Variants in C16orf74 observed in about 807,000 individuals in gnomAD.
C16orf74 encodes the protein calcimembrin, also known as uncharacterized protein C16orf74.
A neutral mutation model predicts 6.5 loss-of-function variants in C16orf74; 10 were observed. That is an observed-to-expected ratio of 1.54 (90% CI 0.95 to 2.61). The LOEUF (loss-of-function observed/expected upper bound fraction) is 2.61. Ranked by LOEUF, C16orf74 falls within the 30% of genes most tolerant of loss-of-function variation. The pLI, the probability that C16orf74 is intolerant of heterozygous loss-of-function variation, is 0.00. For missense variants in C16orf74, 141 were observed against 105.9 expected (o/e 1.33, Z -1.45); for synonymous variants, 60 against 42.5 (o/e 1.41, Z -1.60).
chr16:85,719,027 G>A (rs144052596), intron 2 of C16orf74, among the ~76,000 whole-genome samples: 250 of 152,336 alleles, frequency 1.6e-3, no homozygotes, highest in Non-Finnish European at 2.8e-3. Context: ...CCAGGGGCTT[G>A]GGAAGGAGGA....
chr16:85,732,494 C>T (rs369408359), intron 2 of C16orf74, among the ~76,000 whole-genome samples: 11 of 151,592 alleles, frequency 7.3e-5, no homozygotes, highest in African/African-American at 1.9e-4. Context: ...GGTGAAACCC[C>T]GTCTCTACTA....
intron 1 of C16orf74, among the ~76,000 whole-genome samples, chr16:85,736,488 G>A (rs931768792): frequency 6.6e-6 from 1 of 152,150 alleles, no homozygotes; most frequent in African/African-American, 2.4e-5. Context: ...AGGGTTTGGA[G>A]GAGAAGGAGC....
intron 1 of C16orf74, among the ~76,000 whole-genome samples, chr16:85,735,743 A>G (rs1484305918): frequency 1.4e-5 from 1 of 73,928 alleles, no homozygotes; most frequent in Non-Finnish European, 2.8e-5. Flanking sequence ...GCTATAGAGG[A>G]CGTGTGGCCC....
Position 85,720,858 on chromosome 16 carries a change from C to T in C16orf74, c.29-10551G>A, listed in dbSNP as rs149310721. Among the ~76,000 whole-genome samples the T allele has an allele frequency of 6.0e-5, 9 of 150,924 alleles. 1 individual carries two copies. The highest frequency in any genetic ancestry group is 2.2e-4 in the African/African-American group (9 of 41,038). On this transcript the variant is annotated intron_variant, in intron 2 of 3. Coordinates refer to ENST00000284245, the MANE Select transcript of C16orf74 (RefSeq NM_206967.3). ...ATCCCAGCACTTTGGGAGGCCGAGG[C>T]GGGTGGATCACTTGAGGGCAGGAGT...
chr16:85,741,577 T>C (rs1321962241), intron 1 of C16orf74: 2 of 169,694 alleles, frequency 1.2e-5, no homozygotes, highest in Non-Finnish European at 1.5e-5. Flanking sequence ...ACGTGGAGAG[T>C]TTTCACACAG....
At chr16:85,728,929 T>G (rs1037600933) in intron 2 of C16orf74, among the ~76,000 whole-genome samples, 1 of 152,174 alleles carries the variant, frequency 6.6e-6, no homozygotes, top group East Asian at 1.9e-4. Flanking sequence ...GGAGGATGTG[T>G]TGAAAACCCT....
At chr16:85,720,583 G>A (rs1177583242) in intron 2 of C16orf74, among the ~76,000 whole-genome samples, 1 of 151,968 alleles carries the variant, frequency 6.6e-6, no homozygotes, top group Non-Finnish European at 1.5e-5. Context: ...GACAGGCCTG[G>A]ACAACATAGC....
intron 2 of C16orf74, among the ~76,000 whole-genome samples, chr16:85,732,292 G>C (rs1380231578): frequency 6.6e-6 from 1 of 152,144 alleles, no homozygotes; most frequent in Non-Finnish European, 1.5e-5. Context: ...ACCTAGTTTG[G>C]GGTCATCTCT....
chr16:85,715,132 G>A (rs1475491848), intron 2 of C16orf74, among the ~76,000 whole-genome samples: 9 of 149,124 alleles, frequency 6.0e-5, no homozygotes, highest in African/African-American at 1.5e-4. Context: ...ACTCCAGCCC[G>A]GGTGACAGAG....
intron 2 of C16orf74, among the ~76,000 whole-genome samples, chr16:85,714,458 C>T (rs563961499): frequency 7.9e-5 from 12 of 151,834 alleles, no homozygotes; most frequent in African/African-American, 1.2e-4. Context: ...CTTGCTCTGT[C>T]GCCCAGGCTG....
At chr16:85,712,887 A>G (rs1169890499) in intron 2 of C16orf74, among the ~76,000 whole-genome samples, 1 of 152,192 alleles carries the variant, frequency 6.6e-6, no homozygotes, top group African/African-American at 2.4e-5. Flanking sequence ...CTGGGTGTCC[A>G]AAGGCGTGAT....
At chr16:85,724,701 G>C (rs1489520191) in intron 2 of C16orf74, among the ~76,000 whole-genome samples, 2 of 152,186 alleles carry the variant, frequency 1.3e-5, no homozygotes, top group African/African-American at 2.4e-5. Flanking sequence ...TGACAGGGCA[G>C]CCACCCCGGC....
intron 2 of C16orf74, among the ~76,000 whole-genome samples, chr16:85,717,911 C>A (rs181650985): frequency 6.6e-6 from 1 of 152,136 alleles, no homozygotes; most frequent in African/African-American, 2.4e-5. Context: ...GTGCCCGAGA[C>A]GCTACATCCA....
chr16:85,716,700 G>C (rs993801858), intron 2 of C16orf74, among the ~76,000 whole-genome samples: 2 of 150,776 alleles, frequency 1.3e-5, no homozygotes, highest in African/African-American at 4.9e-5. Flanking sequence ...AGAGGGAGGA[G>C]GAAGGGAGGG....
At chr16:85,733,446 T>C (rs2054211923) in intron 2 of C16orf74, among the ~76,000 whole-genome samples, 1 of 152,170 alleles carries the variant, frequency 6.6e-6, no homozygotes, top group Non-Finnish European at 1.5e-5. Flanking sequence ...TTGGAGATGA[T>C]GAAACCTTCA....
At chr16:85,725,284 G>A (rs942188376) in intron 2 of C16orf74, among the ~76,000 whole-genome samples, 4 of 151,996 alleles carry the variant, frequency 2.6e-5, no homozygotes, top group Non-Finnish European at 5.9e-5. Flanking sequence ...TCCAGAAAGA[G>A]CCCTGGAATT....
At chr16:85,745,158 A>AAAAAAAAAAAAAAAAAAAAAAAAAAAAAC (rs2054359665) in intron 1 of C16orf74, among the ~76,000 whole-genome samples, 1 of 150,036 alleles carries the variant, frequency 6.7e-6, no homozygotes, top group African/African-American at 2.5e-5. Context: ...AAAAAAAAAA[A>AAAAAAAAAAAAAAAAAAAAAAAAAAAAAC]AAAAAAAAAA....
chr16:85,735,147 C>T lies in C16orf74; in HGVS notation c.28+43G>A, dbSNP rs369413339. On this transcript the variant is annotated intron_variant, in intron 2 of 3. Coordinates refer to ENST00000284245, the MANE Select transcript of C16orf74 (RefSeq NM_206967.3). ...TCTCCTGCCCCCCAACCCAGCACCCCCTCTGCCATGAGAGCTGGTGGGGGC... is the reference window on the plus strand; with the variant it reads ...TCTCCTGCCCCCCAACCCAGCACCCTCTCTGCCATGAGAGCTGGTGGGGGC... 8.2e-6 allele frequency: 13 copies of T among 1,579,100 alleles called. 1 individual carries two copies. The African/African-American group carries it at 1.8e-4, about 22-fold the overall frequency.
chr16:85,728,466 C>T (rs1457160259), intron 2 of C16orf74, among the ~76,000 whole-genome samples: 1 of 152,198 alleles, frequency 6.6e-6, no homozygotes, highest in African/African-American at 2.4e-5. Context: ...CAGTCTCATT[C>T]CCAGGAGCCT....
Sources: gnomAD v4.1 joint callset for allele counts (sites outside exome capture counted in the v4.1 genomes callset) on GRCh38, gnomAD v4.1.1 for gene constraint, MANE v1.5 for transcripts, NCBI Gene and HGNC (gene_info 2026-07-23, HGNC 2026-07-21) for gene names.